The following RANBP2 variants were observed in gnomAD, a reference collection of about 807,000 sequenced individuals.
RANBP2 encodes E3 SUMO-protein ligase RanBP2.
RANBP2 carries 57 observed loss-of-function variants against 303.6 expected under a neutral mutation model. The observed-to-expected ratio is 0.19, with a 90% CI of 0.15 to 0.23. The LOEUF (loss-of-function observed/expected upper bound fraction) is 0.23. Among genes scored for constraint, RANBP2 ranks in the 10% least tolerant of loss-of-function variants. The pLI, the probability that RANBP2 is intolerant of heterozygous loss-of-function variation, is 1.00. For synonymous variants in RANBP2, 1,167 were observed against 1,301.5 expected (o/e 0.90, Z 2.23); for missense variants, 3,138 against 3,780.8 (o/e 0.83, Z 4.46).
the RANBP2 span, among the ~76,000 whole-genome samples, chr2:109,405,504 C>G: frequency 6.6e-6 from 1 of 152,124 alleles, no homozygotes; most frequent in East Asian, 1.9e-4. Flanking sequence ...CTGCGCACCA[C>G]GCTGCTCTGG....
the RANBP2 span, among the ~76,000 whole-genome samples, chr2:108,928,818 TC>T: frequency 6.6e-6 from 1 of 152,226 alleles, no homozygotes; most frequent in South Asian, 2.1e-4. Flanking sequence ...ATTAGTAGCT[TC>T]CCCAGAGTGT....
At chr2:108,807,687 G>A in the RANBP2 span, among the ~76,000 whole-genome samples, 12 of 151,912 alleles carry the variant, frequency 7.9e-5, no homozygotes, top group Non-Finnish European at 1.6e-4. Flanking sequence ...GCATGATCTC[G>A]GCTCACTGCA....
chr2:108,772,932 A>G lies in RANBP2; in HGVS notation c.8178A>G (p.Ala2726=), dbSNP rs1446383740. ...CAACAGTTGAAGAGAAGGCAAAAGC[A>G]GATACGTTAAAACTTCCACCTACAT... ...KKPTVEEKAK[A]DTLKLPPTFF... The change falls in exon 23 of 29, where the codon GCA becomes GCG. Residue 2726 remains alanine (A), a synonymous_variant. Coordinates refer to ENST00000283195, the MANE Select transcript of RANBP2 (RefSeq NM_006267.5). 6.2e-7 allele frequency: 1 copy of G among 1,614,118 alleles called. No individual in the cohort carries two copies. Among genetic ancestry groups the G allele is most frequent in the Non-Finnish European group, 8.5e-7 (1 of 1,180,000 alleles).
chr2:108,871,947 T>TG, the RANBP2 span, among the ~76,000 whole-genome samples: 5 of 152,218 alleles, frequency 3.3e-5, no homozygotes, highest in Non-Finnish European at 7.3e-5. Flanking sequence ...CCTTTTACTG[T>TG]GGCTTCTCCA....
At chr2:108,726,884 C>T (rs945883593) in intron 1 of RANBP2, among the ~76,000 whole-genome samples, 23 of 152,120 alleles carry the variant, frequency 1.5e-4, no homozygotes, top group African/African-American at 5.3e-4. Flanking sequence ...GCACATCTTG[C>T]ACCGCCCTTA....
chr2:108,978,702 G>T, the RANBP2 span, among the ~76,000 whole-genome samples: 4 of 152,334 alleles, frequency 2.6e-5, no homozygotes, highest in African/African-American at 9.6e-5. Flanking sequence ...AGGTTCTGTA[G>T]TGAGGCAGAA....
the RANBP2 span, among the ~76,000 whole-genome samples, chr2:108,969,327 T>C: frequency 6.6e-6 from 1 of 152,212 alleles, no homozygotes; most frequent in Admixed American, 6.5e-5. Context: ...TTACCCACTT[T>C]CTTGGTCTTG....
the RANBP2 span, among the ~76,000 whole-genome samples, chr2:109,238,669 A>G: frequency 6.6e-6 from 1 of 152,050 alleles, no homozygotes; most frequent in South Asian, 2.1e-4. Flanking sequence ...GGAGGAGGAG[A>G]GTGCTCACAG....
At chr2:109,260,312 G>T in the RANBP2 span, among the ~76,000 whole-genome samples, 12 of 152,188 alleles carry the variant, frequency 7.9e-5, no homozygotes, top group Non-Finnish European at 1.6e-4. Context: ...CCAAGTGCTA[G>T]GCAAGGCCCA....
At chr2:108,743,228 G>A (rs1289131018) in intron 7 of RANBP2, among the ~76,000 whole-genome samples, 1 of 152,174 alleles carries the variant, frequency 6.6e-6, no homozygotes, top group East Asian at 1.9e-4. Flanking sequence ...GCTTCCCAGA[G>A]TGCTGGGATT....
chr2:109,545,907 T>G, the RANBP2 span: 2 of 1,445,124 alleles, frequency 1.4e-6, no homozygotes, highest in Non-Finnish European at 9.2e-7. Context: ...AGGGACAAGG[T>G]CTCTCCTCTC....
chr2:108,930,963 C>G, the RANBP2 span: 1 of 1,613,918 alleles, frequency 6.2e-7, no homozygotes, highest in Non-Finnish European at 8.5e-7. Context: ...AGACCACTTA[C>G]CACCAGGACG....
chr2:108,809,045 A>G, the RANBP2 span, among the ~76,000 whole-genome samples: 1 of 152,074 alleles, frequency 6.6e-6, no homozygotes. Context: ...ATGGATATCC[A>G]TTTCCTGCAT....
chr2:109,535,264 G>C, the RANBP2 span, among the ~76,000 whole-genome samples: 1 of 152,124 alleles, frequency 6.6e-6, no homozygotes. Context: ...TTTTGTTGAA[G>C]TATAACGTGG....
chr2:109,222,187 C>T, the RANBP2 span, among the ~76,000 whole-genome samples: 1 of 152,120 alleles, frequency 6.6e-6, no homozygotes, highest in Non-Finnish European at 1.5e-5. Context: ...ATGCCAGTGT[C>T]TGGAAAGGAT....
the RANBP2 span, among the ~76,000 whole-genome samples, chr2:109,425,703 A>AAC: frequency 2.0e-4 from 30 of 151,834 alleles, no homozygotes; most frequent in African/African-American, 6.8e-4. Context: ...GCTCAGAAAA[A>AAC]AAAGATTCCT....
the RANBP2 span, among the ~76,000 whole-genome samples, chr2:108,962,662 G>A: frequency 4.8e-5 from 6 of 125,666 alleles, no homozygotes; most frequent in African/African-American, 1.3e-4. Flanking sequence ...GCGACAGAGC[G>A]AGACTCTGTC....
the RANBP2 span, among the ~76,000 whole-genome samples, chr2:109,584,820 C>T: frequency 6.6e-6 from 1 of 151,996 alleles, no homozygotes; most frequent in Non-Finnish European, 1.5e-5. Flanking sequence ...TAAGCCCTGC[C>T]TGAAAATTAG....
At chr2:109,644,410 C>T in the RANBP2 span, among the ~76,000 whole-genome samples, 1 of 152,200 alleles carries the variant, frequency 6.6e-6, no homozygotes, top group African/African-American at 2.4e-5. Context: ...GTCTAGGCAG[C>T]TGGCGAGGTG....
Sources: allele counts gnomAD v4.1 joint callset (sites outside exome capture counted in the v4.1 genomes callset), GRCh38; gene constraint gnomAD v4.1.1; transcripts MANE v1.5; gene names NCBI Gene and HGNC (gene_info 2026-07-23, HGNC 2026-07-21).